Variants in ANKS1B observed in about 807,000 individuals in gnomAD.
ANKS1B encodes ankyrin repeat and sterile alpha motif domain-containing protein 1B.
ANKS1B carries 36 observed loss-of-function variants against 148.3 expected under a neutral mutation model. The observed-to-expected ratio is 0.24, with a 90% confidence interval of 0.19 to 0.32. ANKS1B has a LOEUF of 0.32. Ranked by LOEUF, ANKS1B falls within the 10% of genes least tolerant of loss-of-function variation. ANKS1B has a pLI of 1.00. For synonymous variants in ANKS1B, 542 were observed against 560.8 expected, an observed-to-expected ratio of 0.97 and a Z score of 0.47; for missense variants, 1,157 against 1,542.6, an observed-to-expected ratio of 0.75 and a Z score of 4.19.
intron 8 of ANKS1B, among the ~76,000 whole-genome samples, chr12:99,721,179 T>C (rs1482459282): frequency 1.3e-5 from 2 of 152,124 alleles, no homozygotes; most frequent in African/African-American, 2.4e-5. Flanking sequence ...TATCTCCCAC[T>C]CTAGGTTCCC....
chr12:99,794,490 C>CACACACACACACACACA (rs761141277), intron 4 of ANKS1B, among the ~76,000 whole-genome samples: 1 of 149,554 alleles, frequency 6.7e-6, no homozygotes. Context: ...CACACACACA[C>CACACACACACACACACA]ATTTTCTTGG....
intron 16 of ANKS1B, among the ~76,000 whole-genome samples, chr12:99,073,800 T>C (rs2047002023): frequency 6.6e-6 from 1 of 152,230 alleles, no homozygotes; most frequent in Admixed American, 6.5e-5. Flanking sequence ...TTTCAGTTTC[T>C]TTCACAAACA....
At chr12:99,920,823 G>A (rs1190181129) in intron 1 of ANKS1B, among the ~76,000 whole-genome samples, 1 of 152,074 alleles carries the variant, frequency 6.6e-6, no homozygotes, top group African/African-American at 2.4e-5. Flanking sequence ...TTCTATTCAG[G>A]CCCTCGAAGC....
chr12:99,966,275 C>T (rs964698872), intron 1 of ANKS1B, among the ~76,000 whole-genome samples: 1 of 152,104 alleles, frequency 6.6e-6, no homozygotes, highest in South Asian at 2.1e-4. Context: ...GTAGGAAATA[C>T]AAACTAAAGT....
intron 1 of ANKS1B, among the ~76,000 whole-genome samples, chr12:99,899,784 C>T (rs1382238581): frequency 1.3e-5 from 2 of 151,986 alleles, no homozygotes; most frequent in Non-Finnish European, 2.9e-5. Context: ...ATAATAATGC[C>T]CTTGTTATTT....
chr12:99,026,839 T>G (rs1226113621), intron 17 of ANKS1B, among the ~76,000 whole-genome samples: 1 of 152,188 alleles, frequency 6.6e-6, no homozygotes, highest in Non-Finnish European at 1.5e-5. Flanking sequence ...TGAATTTGCA[T>G]AACAAAAGGA....
intron 10 of ANKS1B, among the ~76,000 whole-genome samples, chr12:99,483,069 T>C (rs2096437281): frequency 2.0e-5 from 3 of 151,930 alleles, no homozygotes; most frequent in Non-Finnish European, 2.9e-5. Context: ...AAGCTTGTTT[T>C]GTTCCTGTTC....
chr12:99,513,562 A>T (rs890392901), intron 9 of ANKS1B, among the ~76,000 whole-genome samples: 1 of 152,026 alleles, frequency 6.6e-6, no homozygotes, highest in African/African-American at 2.4e-5. Context: ...GTTTTCCTCA[A>T]ATCATTCCTT....
intron 14 of ANKS1B, among the ~76,000 whole-genome samples, chr12:99,190,261 C>T (rs1477445460): frequency 2.0e-5 from 3 of 152,182 alleles, no homozygotes; most frequent in Admixed American, 6.5e-5. Flanking sequence ...AACGTCCATA[C>T]TACCCAAAGC....
intron 9 of ANKS1B, among the ~76,000 whole-genome samples, chr12:99,507,219 G>T (rs566601456): frequency 6.6e-6 from 1 of 151,988 alleles, no homozygotes; most frequent in South Asian, 2.1e-4. Context: ...TGGAAAAAAA[G>T]AGTCTCCAGT....
intron 12 of ANKS1B, among the ~76,000 whole-genome samples, chr12:99,272,329 T>C (rs1234715293): frequency 6.6e-6 from 1 of 152,160 alleles, no homozygotes; most frequent in African/African-American, 2.4e-5. Flanking sequence ...GAAAACTTTG[T>C]TAGTGCTTGA....
intron 1 of ANKS1B, among the ~76,000 whole-genome samples, chr12:99,907,408 T>C (rs1440306603): frequency 6.6e-6 from 1 of 152,190 alleles, no homozygotes; most frequent in Non-Finnish European, 1.5e-5. Context: ...GTCAAAAGCA[T>C]GACTTGAAAA....
chr12:99,466,003 C>T (rs944033595), intron 10 of ANKS1B, among the ~76,000 whole-genome samples: 4 of 152,080 alleles, frequency 2.6e-5, no homozygotes, highest in Non-Finnish European at 4.4e-5. Flanking sequence ...CAGCATCAGA[C>T]CACACCTATT....
chr12:99,025,069 C>G (rs1018296930), intron 17 of ANKS1B, among the ~76,000 whole-genome samples: 1 of 152,192 alleles, frequency 6.6e-6, no homozygotes, highest in African/African-American at 2.4e-5. Context: ...GCATGTGGTA[C>G]CCCCCTCTCT....
At chr12:99,962,544 T>C (rs925034660) in intron 1 of ANKS1B, among the ~76,000 whole-genome samples, 1 of 152,220 alleles carries the variant, frequency 6.6e-6, no homozygotes, top group African/African-American at 2.4e-5. Flanking sequence ...GAATGATTTA[T>C]ATTCCTTTGA....
intron 1 of ANKS1B, among the ~76,000 whole-genome samples, chr12:99,948,209 T>C (rs1461712256): frequency 6.6e-6 from 1 of 152,012 alleles, no homozygotes; most frequent in Non-Finnish European, 1.5e-5. Context: ...ACATTTAAAG[T>C]TGAAAAAGAT....
chr12:99,320,820 A>G (rs2085119973), intron 12 of ANKS1B, among the ~76,000 whole-genome samples: 1 of 152,120 alleles, frequency 6.6e-6, no homozygotes, highest in Non-Finnish European at 1.5e-5. Flanking sequence ...GTTTCTCCCC[A>G]TCTTTGTGGT....
At chr12:99,325,687 G>A (rs1259074307) in intron 12 of ANKS1B, among the ~76,000 whole-genome samples, 1 of 152,114 alleles carries the variant, frequency 6.6e-6, no homozygotes, top group African/African-American at 2.4e-5. Flanking sequence ...TTTTCAATAA[G>A]TCGGATCAAG....
At chr12:98,991,369 A>T (rs533558994) in intron 17 of ANKS1B, among the ~76,000 whole-genome samples, 1 of 152,318 alleles carries the variant, frequency 6.6e-6, no homozygotes, top group Non-Finnish European at 1.5e-5. Context: ...TTTATTTCAG[A>T]TATATAATGG....
Sources: gnomAD v4.1 joint callset for allele counts (sites outside exome capture counted in the v4.1 genomes callset) on GRCh38, gnomAD v4.1.1 for gene constraint, MANE v1.5 for transcripts, NCBI Gene and HGNC (gene_info 2026-07-23, HGNC 2026-07-21) for gene names.